FGF14: variants seen among roughly 807,000 people sequenced by gnomAD.
FGF14 encodes the protein fibroblast growth factor homologous factor 4.
A neutral mutation model predicts 25.5 loss-of-function variants in FGF14; 5 were observed. That is an observed-to-expected ratio of 0.20 (90% CI 0.10 to 0.41). FGF14 has a LOEUF of 0.41. FGF14 is among the 10% of genes least tolerant of loss of function. The pLI, the probability that FGF14 is intolerant of heterozygous loss-of-function variation, is 1.00. For missense variants in FGF14, 222 were observed against 320.1 expected (o/e 0.69, Z 2.34); for synonymous variants, 138 against 118.3 (o/e 1.17, Z -1.08).
intron 1 of FGF14, among the ~76,000 whole-genome samples, chr13:102,264,836 A>G (rs1361594111): frequency 6.6e-6 from 1 of 152,062 alleles, no homozygotes; most frequent in East Asian, 1.9e-4. Context: ...AAAATCCCCA[A>G]TCTCACTCTT....
chr13:102,158,966 C>A (rs564645890), intron 1 of FGF14, among the ~76,000 whole-genome samples: 1 of 151,488 alleles, frequency 6.6e-6, no homozygotes, highest in Non-Finnish European at 1.5e-5. Flanking sequence ...TGGTGAAACA[C>A]CGTCTCTACT....
chr13:102,090,007 G>T (rs1316147475), intron 1 of FGF14, among the ~76,000 whole-genome samples: 3 of 152,118 alleles, frequency 2.0e-5, no homozygotes, highest in Admixed American at 6.5e-5. Flanking sequence ...AGCTTAAATG[G>T]CAACAGACCC....
intron 1 of FGF14, among the ~76,000 whole-genome samples, chr13:102,195,878 A>G (rs2049328261): frequency 6.6e-6 from 1 of 152,176 alleles, no homozygotes; most frequent in Admixed American, 6.6e-5. Context: ...TTACTTTATC[A>G]GTAATTATAC....
At chr13:101,744,681 G>A (rs191449659) in intron 3 of FGF14, among the ~76,000 whole-genome samples, 2 of 152,118 alleles carry the variant, frequency 1.3e-5, no homozygotes, top group East Asian at 1.9e-4. Flanking sequence ...TAAGAGCTAG[G>A]GGATGTAAAT....
intron 3 of FGF14, among the ~76,000 whole-genome samples, chr13:101,781,072 C>A (rs2039460339): frequency 6.6e-6 from 1 of 152,048 alleles, no homozygotes; most frequent in Non-Finnish European, 1.5e-5. Flanking sequence ...GCTGTCCACC[C>A]CACATGCTTT....
intron 3 of FGF14, among the ~76,000 whole-genome samples, chr13:101,867,485 C>T (rs1176728532): frequency 6.6e-6 from 1 of 151,924 alleles, no homozygotes; most frequent in Non-Finnish European, 1.5e-5. Flanking sequence ...TGTTTAGGCC[C>T]CTAAAATATT....
intron 1 of FGF14, among the ~76,000 whole-genome samples, chr13:102,043,157 T>G (rs1270739752): frequency 2.0e-5 from 3 of 152,200 alleles, no homozygotes; most frequent in Non-Finnish European, 4.4e-5. Flanking sequence ...TCATGTCCAT[T>G]CATACGCATA....
At chr13:102,186,206 G>T (rs11843426) in intron 1 of FGF14, among the ~76,000 whole-genome samples, 13 of 152,086 alleles carry the variant, frequency 8.5e-5, no homozygotes, top group African/African-American at 3.1e-4. Flanking sequence ...ACTTATAAGC[G>T]CAGCATTTCC....
intron 3 of FGF14, among the ~76,000 whole-genome samples, chr13:101,758,763 C>A (rs2037818319): frequency 6.6e-6 from 1 of 152,124 alleles, no homozygotes; most frequent in Non-Finnish European, 1.5e-5. Flanking sequence ...GAGTATAGAT[C>A]AGCAGTCCTC....
intron 1 of FGF14, among the ~76,000 whole-genome samples, chr13:102,148,785 A>C (rs1216980177): frequency 2.0e-5 from 3 of 152,184 alleles, no homozygotes; most frequent in African/African-American, 7.2e-5. Flanking sequence ...GGCGAGACTC[A>C]GTCTCAAAAA....
intron 1 of FGF14, among the ~76,000 whole-genome samples, chr13:102,044,490 A>T (rs890406550): frequency 6.6e-6 from 1 of 152,124 alleles, no homozygotes; most frequent in Admixed American, 6.6e-5. Context: ...TATTTGCCAG[A>T]TCATCGATCT....
At chr13:102,035,253 A>G (rs1170396996) in intron 1 of FGF14, among the ~76,000 whole-genome samples, 1 of 152,136 alleles carries the variant, frequency 6.6e-6, no homozygotes, top group Non-Finnish European at 1.5e-5. Context: ...GAAAGAGGCA[A>G]TAGAGGAGAC....
chr13:102,202,098 G>A (rs1291912687), intron 1 of FGF14, among the ~76,000 whole-genome samples: 11 of 152,160 alleles, frequency 7.2e-5, no homozygotes, highest in East Asian at 1.9e-4. Context: ...CTCCCCCTTC[G>A]CCTTCACCGC....
chr13:102,341,915 TCTCCATAGCTCCATGTTGTCATCCAAA>T (rs1203428593), intron 1 of FGF14, among the ~76,000 whole-genome samples: 1 of 152,094 alleles, frequency 6.6e-6, no homozygotes, highest in Non-Finnish European at 1.5e-5. Context: ...GTGGTTAGCT[TCTCCATAGCTCCATGTTGTCATCCAAA>T]CTGAACCTAC....
intron 3 of FGF14, among the ~76,000 whole-genome samples, chr13:101,824,567 G>T (rs2042311632): frequency 6.6e-6 from 1 of 152,156 alleles, no homozygotes; most frequent in East Asian, 1.9e-4. Context: ...ATTGAGATAT[G>T]ATTTTTGATT....
intron 3 of FGF14, among the ~76,000 whole-genome samples, chr13:101,790,808 T>A (rs375144375): frequency 3.3e-5 from 5 of 152,176 alleles, no homozygotes; most frequent in African/African-American, 1.2e-4. Flanking sequence ...TTGGATCACA[T>A]TATGATAAAT....
At chr13:101,957,425 C>A (rs1665408124) in intron 1 of FGF14, among the ~76,000 whole-genome samples, 1 of 152,156 alleles carries the variant, frequency 6.6e-6, no homozygotes, top group African/African-American at 2.4e-5. Flanking sequence ...CCAGAGCTCA[C>A]AGAGTATTGA....
intron 1 of FGF14, among the ~76,000 whole-genome samples, chr13:101,877,804 C>T (rs2138765660): frequency 6.6e-6 from 1 of 152,294 alleles, no homozygotes; most frequent in East Asian, 1.9e-4. Flanking sequence ...CTCACTTTTC[C>T]ATTGGCCACA....
At chr13:101,910,852 G>A (rs1278429542) in intron 1 of FGF14, among the ~76,000 whole-genome samples, 8 of 114,914 alleles carry the variant, frequency 7.0e-5, no homozygotes, top group Admixed American at 4.3e-4. Flanking sequence ...GTGTGTGTGT[G>A]TGTGTGTGTG....
Sources: allele counts gnomAD v4.1 joint callset (sites outside exome capture counted in the v4.1 genomes callset), GRCh38; gene constraint gnomAD v4.1.1; transcripts MANE v1.5; gene names NCBI Gene and HGNC (gene_info 2026-07-23, HGNC 2026-07-21).